Variants in SMARCA4 observed in about 807,000 individuals in gnomAD.
SMARCA4 encodes SWI/SNF-related matrix-associated actin-dependent regulator of chromatin subfamily A member 4.
SMARCA4 carries 31 observed loss-of-function variants against 193.9 expected under a neutral mutation model. That is an observed-to-expected ratio of 0.16 (90% CI 0.12 to 0.22). The LOEUF (loss-of-function observed/expected upper bound fraction) is 0.22. Ranked by LOEUF, SMARCA4 falls within the 10% of genes least tolerant of loss-of-function variation. SMARCA4 has a pLI of 1.00. For missense variants in SMARCA4, 1,148 were observed against 2,296.0 expected, an observed-to-expected ratio of 0.50 and a Z score of 10.22; for synonymous variants, 942 against 933.1, an observed-to-expected ratio of 1.01 and a Z score of -0.17.
intron 16 of SMARCA4, among the ~76,000 whole-genome samples, chr19:11,017,903 C>CAGGAGAGTGGGCAGGAAAGAGTTCT (rs1330109134): frequency 4.6e-5 from 7 of 152,214 alleles, no homozygotes; most frequent in African/African-American, 1.4e-4. Flanking sequence ...TCGCCTCATG[C>CAGGAGAGTGGGCAGGAAAGAGTTCT]AGGAGAGTGG....
chr19:11,061,621 C>T, intron 34 of SMARCA4, 163 bp from the exon 35 acceptor site: 2 of 718,558 alleles, frequency 2.8e-6, no homozygotes, highest in Non-Finnish European at 5.0e-6. Flanking sequence ...CGTGATCCGC[C>T]CGCCTTGGCC....
At position 11,040,977 on chromosome 19, in the gene SMARCA4, A is replaced by G. The variant is rs540366241; in HGVS notation, c.4171-330A>G. ...GGGAGAGTGTGGAACAGAGGTGTCA[A>G]CATCACCTCCGGGTGAAGGGATTTC... On this transcript the variant is annotated intron_variant, in intron 29 of 34. Coordinates refer to ENST00000344626, the MANE Select transcript of SMARCA4 (RefSeq NM_003072.5). 295 of 297,650 alleles carry G rather than the reference A, an allele frequency of 9.9e-4. 1 individual carries two copies. Among genetic ancestry groups the G allele is most frequent in the African/African-American group, 5.7e-3 (264 of 46,034 alleles). The allele number at this position is 297,650 out of a possible 1,614,324, so 18.4% of individuals were successfully genotyped here.
chr19:11,021,548 G>T (rs2089867985), intron 18 of SMARCA4, 177 bp from the exon 19 acceptor site: 1 of 771,646 alleles, frequency 1.3e-6, no homozygotes, highest in South Asian at 1.5e-5. Flanking sequence ...AGGCTACGTT[G>T]TGTGGCTCCA....
chr19:11,049,078 G>A (rs895963832), intron 30 of SMARCA4, among the ~76,000 whole-genome samples: 1 of 152,196 alleles, frequency 6.6e-6, no homozygotes, highest in Admixed American at 6.5e-5. Flanking sequence ...CTGTCCAGGG[G>A]CTTGTGGTGG....
At chr19:10,980,605 G>C (rs1017603388) in intron 1 of SMARCA4, among the ~76,000 whole-genome samples, 3 of 147,540 alleles carry the variant, frequency 2.0e-5, no homozygotes, top group Non-Finnish European at 3.0e-5. Flanking sequence ...CTGCACTCCA[G>C]CCTGGGCGAC....
Position 11,058,762 on chromosome 19 carries a change from A to G in SMARCA4, c.4534-26A>G, listed in dbSNP as rs1452268364. 6.2e-7 allele frequency: 1 copy of G among 1,602,792 alleles called. No individual in the cohort carries two copies. Among genetic ancestry groups the G allele is most frequent in the African/African-American group, 1.3e-5 (1 of 74,832 alleles). ...GCAGGCGAGGCGGGGTCCTGAGGTA[A>G]GACCTGCTCCTCCCGTCCACTGCAG... On this transcript the variant is annotated intron_variant, in intron 31 of 34. Transcript: ENST00000344626. This position sits in a 1 kb window ranked among gnomAD's most constrained non-coding sequence, Gnocchi z 5.8.
At chr19:10,970,081 A>G (rs1311114036) in intron 1 of SMARCA4, among the ~76,000 whole-genome samples, 2 of 152,092 alleles carry the variant, frequency 1.3e-5, no homozygotes, top group Non-Finnish European at 2.9e-5. Flanking sequence ...GCCCCTTTTG[A>G]TCACAGCTGA....
At chr19:11,014,551 G>A (rs2089175926) in intron 16 of SMARCA4, among the ~76,000 whole-genome samples, 1 of 152,138 alleles carries the variant, frequency 6.6e-6, no homozygotes, top group Non-Finnish European at 1.5e-5. Context: ...CCCTGTCTGT[G>A]TCTGGAGGCT....
rs1423042755 is a variant in SMARCA4 at position 11,034,251 on chromosome 19, A to C, written c.3951+51A>C. The C allele has an allele frequency of 1.4e-6, 2 of 1,421,734 alleles. No individual in the cohort carries two copies. Among genetic ancestry groups the C allele is most frequent in the Non-Finnish European group, 2.0e-6 (2 of 1,005,106 alleles). The allele number at this position is 1,421,734 out of a possible 1,614,324, so 88.1% of individuals were successfully genotyped here. ...AGTTCAGGCATCCCACTCTGCTGCC[A>C]CCAGGAGCAAAGCAGACGTCCTAGT... On this transcript the variant is annotated intron_variant, in intron 28 of 34. Coordinates refer to ENST00000344626, the MANE Select transcript of SMARCA4 (RefSeq NM_003072.5). The surrounding 1 kb of genome is among the most constrained non-coding windows in gnomAD (Gnocchi z 7.0).
At chr19:11,008,159 C>T in intron 14 of SMARCA4, 136 bp downstream of exon 14, 1 of 829,384 alleles carries the variant, frequency 1.2e-6, no homozygotes, top group Non-Finnish European at 2.0e-6. Context: ...CTACAGAGAC[C>T]AAATTTATTT....
chr19:11,014,938 G>A (rs1178560868), intron 16 of SMARCA4, among the ~76,000 whole-genome samples: 3 of 151,924 alleles, frequency 2.0e-5, no homozygotes, highest in South Asian at 4.2e-4. Context: ...TCAGCCTCCC[G>A]AGTAGCTGGG....
At chr19:11,044,304 A>C (rs184711270) in intron 30 of SMARCA4, among the ~76,000 whole-genome samples, 1 of 152,226 alleles carries the variant, frequency 6.6e-6, no homozygotes, top group Non-Finnish European at 1.5e-5. Context: ...CTTCATGAGT[A>C]GGCATCGATT....
In SMARCA4 at chr19:11,041,263, A is replaced by G. The variant is rs2146810300; in HGVS notation, c.4171-44A>G. On this transcript the variant is annotated intron_variant, in intron 29 of 34. Coordinates refer to ENST00000344626, the MANE Select transcript of SMARCA4 (RefSeq NM_003072.5). This position sits in a 1 kb window ranked among gnomAD's most constrained non-coding sequence, Gnocchi z 5.6. ...ATTGCGTCGCGGCCTCTGCTTGTCG[A>G]CCTGGGTGCTGGCTGTCCTATTTTA... 6.4e-7 allele frequency: 1 copy of G among 1,571,978 alleles called. No homozygotes were observed. Among genetic ancestry groups the G allele is most frequent in the Non-Finnish European group, 8.6e-7 (1 of 1,158,120 alleles).
chr19:11,045,995 G>A (rs1170677398), intron 30 of SMARCA4, among the ~76,000 whole-genome samples: 3 of 152,102 alleles, frequency 2.0e-5, no homozygotes, highest in African/African-American at 4.8e-5. Context: ...AGGCTGAGGC[G>A]AGCGGATCAC....
chr19:10,986,882 CT>C lies in SMARCA4; in HGVS notation c.761-19del, dbSNP rs762611705. 1 of 1,591,264 alleles carries C rather than the reference CT, an allele frequency of 6.3e-7. No individual in the cohort carries two copies. The highest frequency in any genetic ancestry group is 8.6e-7 in the Non-Finnish European group (1 of 1,159,668). ...ATAAACCTGGGACGCACTGTTTTCT[CT>C]TTTGTTTCTCCCTACATGTAGGTAT... On this transcript the variant is annotated intron_variant, in intron 4 of 34. Coordinates refer to ENST00000344626, the MANE Select transcript of SMARCA4 (RefSeq NM_003072.5). This position sits in a 1 kb window ranked among gnomAD's most constrained non-coding sequence, Gnocchi z 6.7.
At position 11,058,343 on chromosome 19, in the gene SMARCA4, GT is replaced by G; in HGVS notation, c.4514del (p.Val1505GlyfsTer6). The part of the protein sequence containing the change: ...PEYYELIRKP[V>X]DFKKIKERIR... The stretch of plus-strand genomic sequence containing the variant: ...GTACTACGAGCTCATCCGCAAGCCC[GT>G]GGACTTCAAGAAGATAAAGGTAACC... On this transcript the variant is annotated frameshift_variant, in exon 31 of 35. Coordinates refer to ENST00000344626, the MANE Select transcript of SMARCA4 (RefSeq NM_003072.5). LOFTEE classifies it high-confidence loss of function. The surrounding 1 kb of genome is among the most constrained non-coding windows in gnomAD (Gnocchi z 5.8). 6.2e-7 allele frequency: 1 copy of G among 1,612,078 alleles called. No homozygotes were observed. The highest frequency in any genetic ancestry group is 8.5e-7 in the Non-Finnish European group (1 of 1,178,500).
At chr19:11,052,716 C>T (rs925868813) in intron 30 of SMARCA4, among the ~76,000 whole-genome samples, 1 of 152,192 alleles carries the variant, frequency 6.6e-6, no homozygotes, top group Non-Finnish European at 1.5e-5. Flanking sequence ...CAGAAAAGAG[C>T]GAACGCCCCT....
chr19:10,982,889 G>A (rs532110300), intron 1 of SMARCA4, among the ~76,000 whole-genome samples: 79 of 152,312 alleles, frequency 5.2e-4, no homozygotes, highest in African/African-American at 1.9e-3. Flanking sequence ...AAATATGCCG[G>A]AGAGTTCAGG....
chr19:11,001,091 G>C (rs1011481743), intron 11 of SMARCA4, among the ~76,000 whole-genome samples: 1 of 152,100 alleles, frequency 6.6e-6, no homozygotes, highest in African/African-American at 2.4e-5. Context: ...GGGTCTCTCT[G>C]TTGTCCAGGC....
Sources: gnomAD v4.1 joint callset for allele counts (sites outside exome capture counted in the v4.1 genomes callset) on GRCh38, gnomAD v4.1.1 for gene constraint, Gnocchi (gnomAD v3.1) non-coding constraint, MANE v1.5 for transcripts, NCBI Gene and HGNC (gene_info 2026-07-23, HGNC 2026-07-21) for gene names.